PTPRC: variants seen among roughly 807,000 people sequenced by gnomAD.
PTPRC encodes receptor-type tyrosine-protein phosphatase C.
Under a neutral mutation model 155.9 loss-of-function variants are expected in PTPRC, and 44 were observed. The observed-to-expected ratio is 0.28, with a 90% CI of 0.22 to 0.36. The LOEUF is 0.36. Ranked by LOEUF, PTPRC falls within the 10% of genes least tolerant of loss-of-function variation. PTPRC has a pLI of 1.00. For synonymous variants in PTPRC, 525 were observed against 533.1 expected (o/e 0.98, Z 0.21); for missense variants, 1,401 against 1,564.6 (o/e 0.90, Z 1.76).
At chr1:198,698,966 A>C (rs528199783) in intron 4 of PTPRC, among the ~76,000 whole-genome samples, 1 of 152,316 alleles carries the variant, frequency 6.6e-6, no homozygotes, top group South Asian at 2.1e-4. Context: ...GTAAGCATGG[A>C]CATGTGAGAT....
chr1:198,756,010 T>TGAA lies in PTPRC; in HGVS notation c.3752_3754dup (p.Glu1251dup). On this transcript the variant is annotated inframe_insertion, in exon 33 of 33. Transcript: ENST00000442510. ...AAGAAGATAAAATTGAATTTGATAA[T>TGAA]GAAGTGGACAAAGTAAAGCAGGATG... 1 of 1,613,386 alleles carries TGAA rather than the reference T, an allele frequency of 6.2e-7. No homozygotes were observed. The highest frequency in any genetic ancestry group is 2.2e-5 in the East Asian group (1 of 44,812).
chr1:198,693,195 AT>A, intron 3 of PTPRC: 1 of 885,234 alleles, frequency 1.1e-6, no homozygotes, highest in African/African-American at 1.8e-5. Context: ...TTAAATAAAA[AT>A]TCCGTCCAAA....
chr1:198,743,109 A>G (rs1654986101), intron 25 of PTPRC, among the ~76,000 whole-genome samples: 1 of 151,406 alleles, frequency 6.6e-6, no homozygotes, highest in Non-Finnish European at 1.5e-5. Flanking sequence ...TATCAATGAA[A>G]GAATGGAAAC....
At position 198,732,502 on chromosome 1, in the gene PTPRC, C is replaced by G. The variant is rs555648295; in HGVS notation, c.2088C>G (p.Leu696=). 6.8e-6 allele frequency: 11 copies of G among 1,610,926 alleles called. No individual in the cohort carries two copies. In the African/African-American group the frequency reaches 1.1e-4, roughly 16 times the overall value. Residue 696 remains leucine (L), a synonymous_variant, in exon 20 of 33, where the codon CTC becomes CTG. Transcript: ENST00000442510. The stretch of plus-strand genomic sequence containing the variant: ...CAGATGATTATAACCGTGTTGAACT[C>G]TCTGAGATAAACGGAGATGCAGGGT... ...ILPYDYNRVE[L]SEINGDAGSN... is the part of the protein sequence containing the mutation.
At position 198,731,645 on chromosome 1, in the gene PTPRC, G is replaced by A. The variant is rs1392164607; in HGVS notation, c.1893G>A (p.Glu631=). The change falls in exon 18 of 33, where the codon GAG becomes GAA. Residue 631 remains glutamate, a synonymous_variant. Coordinates refer to ENST00000442510, the MANE Select transcript of PTPRC (RefSeq NM_002838.5). ...RDDEKQLMNV[E]PIHADILLET... ...ATGAAAAACAACTGATGAATGTGGA[G>A]CCAATCCATGCAGATATTTTGTTGG... 1 of 1,610,722 alleles carries A rather than the reference G, an allele frequency of 6.2e-7. No individual in the cohort carries two copies. The highest frequency in any genetic ancestry group is 8.5e-7 in the Non-Finnish European group (1 of 1,177,528).
rs554747980 is a variant in PTPRC, at chr1:198,733,380, C to T, written c.2143-816C>T. Reference sequence around the variant, plus strand: ...CTTCTGCTTTTAGATAGGTGATTGACATATTGTAGCTATTCAATAAATACT... The same window carrying T: ...CTTCTGCTTTTAGATAGGTGATTGATATATTGTAGCTATTCAATAAATACT... On this transcript the variant is annotated intron_variant, in intron 20 of 32. Transcript: ENST00000442510. 2.6e-5 allele frequency among the ~76,000 whole-genome samples: 4 copies of T among 151,804 alleles called. No homozygotes were observed. In the East Asian group the frequency reaches 7.8e-4, roughly 29 times the overall value.
chr1:198,701,744 A>T (rs1666472161), intron 5 of PTPRC, among the ~76,000 whole-genome samples: 1 of 152,220 alleles, frequency 6.6e-6, no homozygotes, highest in Non-Finnish European at 1.5e-5. Flanking sequence ...AGTTTGTTGG[A>T]TTTCAAGCCA....
At chr1:198,719,753 G>A (rs574890396) in intron 14 of PTPRC, among the ~76,000 whole-genome samples, 1 of 152,110 alleles carries the variant, frequency 6.6e-6, no homozygotes, top group East Asian at 1.9e-4. Context: ...TGGGATTACA[G>A]GCACCTGCCA....
intron 2 of PTPRC, among the ~76,000 whole-genome samples, chr1:198,647,999 A>G (rs898638974): frequency 4.6e-5 from 7 of 151,890 alleles, no homozygotes; most frequent in Admixed American, 2.6e-4. Flanking sequence ...TAAATTATAA[A>G]TTTAAAAATC....
intron 11 of PTPRC, among the ~76,000 whole-genome samples, chr1:198,710,885 C>T (rs1473348699): frequency 6.6e-6 from 1 of 152,190 alleles, no homozygotes; most frequent in Non-Finnish European, 1.5e-5. Context: ...GACGGAGTCT[C>T]GCTCTGTTGC....
intron 4 of PTPRC, among the ~76,000 whole-genome samples, chr1:198,697,982 G>A (rs12118588): frequency 2.7e-3 from 404 of 152,254 alleles, no homozygotes; most frequent in Non-Finnish European, 4.7e-3. Flanking sequence ...TCTAAACACT[G>A]TAAAAATTTG....
In PTPRC at chr1:198,734,177, C is replaced by G; in HGVS notation, c.2143-19C>G. On this transcript the variant is annotated intron_variant, in intron 20 of 32. Coordinates refer to ENST00000442510, the MANE Select transcript of PTPRC (RefSeq NM_002838.5). ...TGAATGTTCAGCAAATGACATATCTCTGCATGTGTTTTCAATAGGGTTTCA... is the reference window on the plus strand; with the variant it reads ...TGAATGTTCAGCAAATGACATATCTGTGCATGTGTTTTCAATAGGGTTTCA... 1.2e-6 allele frequency: 2 copies of G among 1,606,058 alleles called. No individual in the cohort carries two copies. Among genetic ancestry groups the G allele is most frequent in the Non-Finnish European group, 8.5e-7 (1 of 1,175,160 alleles).
chr1:198,732,659 G>C (rs1472299931), intron 20 of PTPRC, 103 bp downstream of exon 20: 1 of 914,842 alleles, frequency 1.1e-6, no homozygotes, highest in Admixed American at 2.2e-5. Context: ...TTTGAAGTGA[G>C]CCCATATGTC....
At position 198,694,457 on chromosome 1, in the gene PTPRC, A is replaced by G. The variant is rs149839929; in HGVS notation, c.100+2084A>G. On this transcript the variant is annotated intron_variant, in intron 3 of 32. Coordinates refer to ENST00000442510, the MANE Select transcript of PTPRC (RefSeq NM_002838.5). ...CAATCCAATCAAGTTGACACTCAAT[A>G]TTAACCATCAAATACTATTATAAGG... 1.2e-3 allele frequency: 1,213 copies of G among 1,052,544 alleles called. 10 individuals carry two copies. Among genetic ancestry groups the G allele is most frequent in the Middle Eastern group, 6.3e-3 (15 of 2,378 alleles). 65.2% of individuals were successfully genotyped at this position (1,052,544 alleles called of 1,614,324 possible).
At chr1:198,747,202 G>A (rs1161465622) in intron 26 of PTPRC, among the ~76,000 whole-genome samples, 1 of 151,300 alleles carries the variant, frequency 6.6e-6, no homozygotes, top group African/African-American at 2.4e-5. Flanking sequence ...GATACCTAGA[G>A]GGTAAGAAAA....
chr1:198,678,971 A>G (rs765609893), intron 2 of PTPRC, among the ~76,000 whole-genome samples: 31 of 152,246 alleles, frequency 2.0e-4, no homozygotes, highest in Non-Finnish European at 4.0e-4. Flanking sequence ...GACTAGAATT[A>G]TAAAGGCCAG....
rs756023017 is a variant in PTPRC, at chr1:198,735,252, T to C, written c.2403T>C (p.Asn801=). The change falls in exon 23 of 33, where the codon AAT becomes AAC. Residue 801 remains asparagine (N), a splice_region_variant and synonymous_variant. Coordinates refer to ENST00000442510, the MANE Select transcript of PTPRC (RefSeq NM_002838.5). ...DYIIQKLNIV[N]KKEKATGREV... ...TCATTCAGAAATTGAACATTGTAAA[T>C]GTGAGTTTGCTTTTTACATAATTTT... is the stretch of plus-strand genomic sequence containing the variant. The C allele has an allele frequency of 1.8e-5, 28 of 1,597,772 alleles. No individual in the cohort carries two copies. The highest frequency in any genetic ancestry group is 2.1e-5 in the Non-Finnish European group (25 of 1,170,594).
At chr1:198,683,188 T>A (rs941594617) in intron 2 of PTPRC, among the ~76,000 whole-genome samples, 9 of 152,134 alleles carry the variant, frequency 5.9e-5, no homozygotes, top group Non-Finnish European at 1.3e-4. Flanking sequence ...CTATAATGAT[T>A]AGATAAAATA....
intron 2 of PTPRC, among the ~76,000 whole-genome samples, chr1:198,658,935 G>A (rs540909129): frequency 2.0e-4 from 30 of 152,120 alleles, no homozygotes; most frequent in African/African-American, 6.7e-4. Context: ...TAACTGATAC[G>A]GTACTACCCT....
Sources: allele counts gnomAD v4.1 joint callset (sites outside exome capture counted in the v4.1 genomes callset), GRCh38; gene constraint gnomAD v4.1.1; transcripts MANE v1.5; gene names NCBI Gene and HGNC (gene_info 2026-07-23, HGNC 2026-07-21).